Variants in ZNF44 observed in about 807,000 individuals in gnomAD.
ZNF44 encodes zinc finger protein 44.
In ZNF44, 9 loss-of-function variants were observed where a neutral mutation model predicts 11.7. The ratio of observed to expected loss-of-function variants is 0.77; its 90% CI spans 0.46 to 1.35. The LOEUF is 1.35. ZNF44 is among the 40% of genes most tolerant of loss of function. ZNF44 has a pLI of 0.00. For missense variants in ZNF44, 696 were observed against 743.1 expected, an observed-to-expected ratio of 0.94 and a Z score of 0.74; for synonymous variants, 224 against 242.7, an observed-to-expected ratio of 0.92 and a Z score of 0.72.
chr19:12,268,145 G>GACACACACACACACACACAC (rs71166661), downstream of ZNF44, among the ~76,000 whole-genome samples: 125 of 136,842 alleles, frequency 9.1e-4, 2 homozygotes, highest in Middle Eastern at 3.6e-3. Context: ...CACACACACA[G>GACACACACACACACACACAC]ACACACACAC....
intron 5 of ZNF44, among the ~76,000 whole-genome samples, chr19:12,264,154 C>T (rs1478262585): frequency 6.6e-6 from 1 of 152,164 alleles, no homozygotes; most frequent in African/African-American, 2.4e-5. Context: ...ACAATTACAA[C>T]CCCAGAAGTA....
At chr19:12,237,491 T>A in exon 1 of ZNF44, 1 of 164,146 alleles carries the variant, frequency 6.1e-6, no homozygotes. Context: ...CTCCCTTGGC[T>A]CCGGAGATCA....
At chr19:12,263,186 A>G (rs1260483064) in intron 5 of ZNF44, among the ~76,000 whole-genome samples, 4 of 152,042 alleles carry the variant, frequency 2.6e-5, no homozygotes, top group Middle Eastern at 6.8e-3. Flanking sequence ...TCATGGGTTC[A>G]AGCAATTCTC....
At chr19:12,251,672 G>T (rs1328523108) in intron 5 of ZNF44, among the ~76,000 whole-genome samples, 1 of 152,148 alleles carries the variant, frequency 6.6e-6, no homozygotes, top group African/African-American at 2.4e-5. Flanking sequence ...GCCATCCTGA[G>T]ATGGTAAAAT....
chr19:12,277,095 A>G (rs1038509170), intron 1 of ZNF44, among the ~76,000 whole-genome samples: 9 of 152,206 alleles, frequency 5.9e-5, no homozygotes, highest in Non-Finnish European at 1.5e-5. Context: ...TAAGACATAC[A>G]CAAAGAAACA....
At chr19:12,293,370 C>CA (rs1968099152) in intron 1 of ZNF44, 1 of 1,536,338 alleles carries the variant, frequency 6.5e-7, no homozygotes, top group Admixed American at 2.0e-5. Flanking sequence ...TTCCATAACA[C>CA]AGGGCCTGGA....
intron 5 of ZNF44, among the ~76,000 whole-genome samples, chr19:12,265,879 CTATT>C (rs911123452): frequency 4.6e-5 from 7 of 152,200 alleles, no homozygotes; most frequent in African/African-American, 1.7e-4. Context: ...ATAACAAAAC[CTATT>C]TGTTTCCTTA....
chr19:12,269,524 AAAAAT>A (rs112580056), downstream of ZNF44, among the ~76,000 whole-genome samples: 259 of 151,198 alleles, frequency 1.7e-3, no homozygotes, highest in African/African-American at 5.9e-3. Flanking sequence ...CTCCATCTCA[AAAAAT>A]AAAATAAAAT....
Position 12,276,033 on chromosome 19 carries a change from C to T in ZNF44, c.53G>A (p.Trp18Ter). Reference sequence around the variant, plus strand: ...CTTCTGTGATGGACCCAGCAAAGCCCACTCCTCATGGGTGAAGTTCACAGC... The same window carrying T: ...CTTCTGTGATGGACCCAGCAAAGCCTACTCCTCATGGGTGAAGTTCACAGC... ...DVAVNFTHEE[W>*]ALLGPSQKNL... Residue 18 changes from tryptophan (W) to a stop codon, truncating the protein, a stop_gained, in exon 2 of 4, where the codon TGG (tryptophan) becomes TAG (stop). Coordinates refer to ENST00000355684, the MANE Select transcript of ZNF44 (RefSeq NM_016264.4). LOFTEE classifies it high-confidence loss of function. 1 of 1,609,430 alleles carries T rather than the reference C, an allele frequency of 6.2e-7. No individual in the cohort carries two copies.
chr19:12,269,047 T>C (rs1280200079), downstream of ZNF44, among the ~76,000 whole-genome samples: 1 of 151,642 alleles, frequency 6.6e-6, no homozygotes, highest in East Asian at 2.0e-4. Flanking sequence ...CCTGGGCCCC[T>C]GGCTATGAGA....
At chr19:12,263,841 C>T (rs891515629) in intron 5 of ZNF44, among the ~76,000 whole-genome samples, 11 of 150,700 alleles carry the variant, frequency 7.3e-5, no homozygotes, top group Non-Finnish European at 1.3e-4. Flanking sequence ...AGGAGAATGG[C>T]GTAAACCCAG....
Position 12,272,380 on chromosome 19 carries a change from A to G in ZNF44, c.*27T>C. The G allele has an allele frequency of 1.3e-6, 2 of 1,498,392 alleles. No homozygotes were observed. Among genetic ancestry groups the G allele is most frequent in the South Asian group, 2.8e-5 (2 of 70,594 alleles). 92.8% of individuals were successfully genotyped at this position (1,498,392 alleles called of 1,614,324 possible). A position where few individuals can be genotyped will look rare whatever the true frequency, so the allele number is the denominator to read the frequency against. On this transcript the variant is annotated 3_prime_UTR_variant, in exon 4 of 4. Coordinates refer to ENST00000355684, the MANE Select transcript of ZNF44 (RefSeq NM_016264.4). ...CAAGTATCTGAATGTGATAAAACCA[A>G]TGAATGCTTTCCCACATTCCATACA... is the stretch of plus-strand genomic sequence containing the variant.
In ZNF44 at chr19:12,273,400, T is replaced by C. The variant is rs1358615762; in HGVS notation, c.855A>G (p.Gln285=). The change falls in exon 4 of 4, where the codon CAA becomes CAG. Residue 285 remains glutamine (Q), a synonymous_variant. Transcript: ENST00000355684. ...CGGAAACACTGAAGGCTTTCCCACA[T>C]TGTTTACATTTGTAGGGTTTCTCTC... ...HTGEKPYKCK[Q]CGKAFSVSGS... is the part of the protein sequence containing the mutation. The C allele has an allele frequency of 1.2e-6, 2 of 1,613,672 alleles. No individual in the cohort carries two copies. Among genetic ancestry groups the C allele is most frequent in the Non-Finnish European group, 1.7e-6 (2 of 1,179,892 alleles).
At chr19:12,247,429 C>A, downstream of ZNF44, 1 of 1,323,310 alleles carries the variant, frequency 7.6e-7, no homozygotes, top group South Asian at 1.2e-5. Flanking sequence ...TTTCCACATT[C>A]TTTACATTCA....
chr19:12,269,196 CA>C (rs1255631702), downstream of ZNF44, among the ~76,000 whole-genome samples: 4 of 152,112 alleles, frequency 2.6e-5, no homozygotes, highest in African/African-American at 7.2e-5. Context: ...CTTTTATGTG[CA>C]TGACATGAGA....
At chr19:12,294,051 C>T (rs1427763530) in intron 1 of ZNF44, among the ~76,000 whole-genome samples, 3 of 152,252 alleles carry the variant, frequency 2.0e-5, no homozygotes, top group Non-Finnish European at 4.4e-5. Flanking sequence ...GCCGGCTTCC[C>T]CATTGGCCTG....
intron 5 of ZNF44, among the ~76,000 whole-genome samples, chr19:12,251,038 C>A (rs1318286665): frequency 3.3e-5 from 5 of 151,706 alleles, no homozygotes; most frequent in African/African-American, 1.2e-4. Context: ...CCAGCCTGGG[C>A]AACATGGTGA....
At chr19:12,248,898 T>C (rs11667029) in intron 7 of ZNF44, among the ~76,000 whole-genome samples, 46,306 of 143,296 alleles carry the variant, frequency 0.32, 7,538 homozygotes, top group African/African-American at 0.45. Flanking sequence ...GGGTTTCTCT[T>C]TTTTTTTTTT....
chr19:12,249,912 T>C (rs1916924821), intron 7 of ZNF44: 3 of 1,084,062 alleles, frequency 2.8e-6, no homozygotes, highest in Admixed American at 6.3e-5. Context: ...TCTTTAATTA[T>C]CAAATTTAAT....
Sources: allele counts gnomAD v4.1 joint callset (sites outside exome capture counted in the v4.1 genomes callset), GRCh38; gene constraint gnomAD v4.1.1; transcripts MANE v1.5; gene names NCBI Gene and HGNC (gene_info 2026-07-23, HGNC 2026-07-21).